VSX2: variants seen among roughly 807,000 people sequenced by gnomAD.
The protein encoded by VSX2 is ceh-10 homeo domain containing homolog.
Under a neutral mutation model 32.1 loss-of-function variants are expected in VSX2, and 28 were observed. That is an observed-to-expected ratio of 0.87 (90% confidence interval 0.65 to 1.20). The LOEUF (loss-of-function observed/expected upper bound fraction) is 1.20, where lower values mean the gene tolerates loss of function less well. Among genes scored for constraint, VSX2 ranks in the 50% most tolerant of loss-of-function variants. VSX2 has a pLI of 0.00. For missense variants in VSX2, 506 were observed against 488.7 expected (o/e 1.04, Z -0.33); for synonymous variants, 243 against 214.1 (o/e 1.14, Z -1.18).
rs189161947 is a variant in VSX2 at position 74,252,823 on chromosome 14, G to A, written c.580-6779G>A. Among the ~76,000 whole-genome samples the A allele has an allele frequency of 1.3e-3, 199 of 151,850 alleles. 4 individuals are homozygous for A. In the East Asian group the frequency reaches 0.035, roughly 27 times the overall value. ...AGCACTTTGGGAGGCCTCGGAGGGC[G>A]GATCACCTTGAGGTCAGGGGTTCGA... On this transcript the variant is annotated intron_variant, in intron 3 of 4. Coordinates refer to ENST00000261980, the MANE Select transcript of VSX2 (RefSeq NM_182894.3).
In VSX2 at chr14:74,246,758, G is replaced by A. The variant is rs141519079; in HGVS notation, c.579+1470G>A. On this transcript the variant is annotated intron_variant, in intron 3 of 4. Coordinates refer to ENST00000261980, the MANE Select transcript of VSX2 (RefSeq NM_182894.3). ...CGCTGTTGGCAGGCCCCACATTTGCGGTATTGACCAGAATGAAGGAATAGC... is the reference window on the plus strand; with the variant it reads ...CGCTGTTGGCAGGCCCCACATTTGCAGTATTGACCAGAATGAAGGAATAGC... Among the ~76,000 whole-genome samples, 559 of 152,240 alleles carry A rather than the reference G, an allele frequency of 3.7e-3. 2 individuals are homozygous for A. Among genetic ancestry groups the A allele is most frequent in the African/African-American group, 0.013 (536 of 41,538 alleles).
intron 3 of VSX2, among the ~76,000 whole-genome samples, chr14:74,250,929 G>A (rs994945414): frequency 1.3e-5 from 2 of 151,816 alleles, no homozygotes; most frequent in African/African-American, 2.4e-5. Context: ...TTACAGGCGT[G>A]AGCCACCGCG....
At chr14:74,241,558 G>C (rs1386947120) in intron 2 of VSX2, among the ~76,000 whole-genome samples, 1 of 152,212 alleles carries the variant, frequency 6.6e-6, no homozygotes, top group African/African-American at 2.4e-5. Context: ...ACAGAGTGGG[G>C]GCGGTCCCCA....
At position 74,259,617 on chromosome 14, in the gene VSX2, C is replaced by T. The variant is rs779674861; in HGVS notation, c.595C>T (p.Arg199Cys). The change falls in exon 4 of 5, where the codon CGT (arginine) becomes TGT (cysteine). Residue 199 changes from arginine to cysteine, a missense_variant. Physicochemically the swap from Arg to Cys is radical, Grantham distance 180. Coordinates refer to ENST00000261980, the MANE Select transcript of VSX2 (RefSeq NM_182894.3). ...EDRIQVWFQN[R>C]RAKWRKREKC... ...GCACCTGCAGGTCTGGTTCCAGAAC[C>T]GTCGAGCCAAGTGGAGGAAGCGGGA... The T allele has an allele frequency of 9.3e-6, 15 of 1,614,006 alleles. No individual in the cohort carries two copies. Among genetic ancestry groups the T allele is most frequent in the Admixed American group, 5.0e-5 (3 of 59,996 alleles).
chr14:74,248,343 A>AAAAC (rs2079206404), intron 3 of VSX2, among the ~76,000 whole-genome samples: 1 of 138,402 alleles, frequency 7.2e-6, no homozygotes, highest in Non-Finnish European at 1.6e-5. Flanking sequence ...CTAAAAAAAA[A>AAAAC]AAAAAAAACA....
intron 3 of VSX2, among the ~76,000 whole-genome samples, chr14:74,247,108 T>C (rs2079197518): frequency 6.6e-6 from 1 of 152,052 alleles, no homozygotes; most frequent in East Asian, 1.9e-4. Context: ...GGAAAGAGTC[T>C]CAGAGCCTTT....
intron 3 of VSX2, 151 bp downstream of exon 3, chr14:74,245,439 C>A: frequency 9.0e-7 from 1 of 1,112,296 alleles, no homozygotes; most frequent in South Asian, 1.4e-5. Flanking sequence ...TTAAGCTGAA[C>A]ACCTGCCACA....
At chr14:74,240,891 G>A (rs1354415497) in intron 1 of VSX2, among the ~76,000 whole-genome samples, 3 of 152,182 alleles carry the variant, frequency 2.0e-5, no homozygotes, top group Non-Finnish European at 4.4e-5. Flanking sequence ...GGGGATCTCT[G>A]CGGCCCCCTA....
Position 74,260,927 on chromosome 14 carries a change from C to A in VSX2, c.*8C>A. 6.4e-7 allele frequency: 1 copy of A among 1,553,276 alleles called. No homozygotes were observed. On this transcript the variant is annotated 3_prime_UTR_variant, in exon 5 of 5. Transcript: ENST00000261980. ...CTGGAGGACATGGCTTAGGTCAAGG[C>A]GCGCTCAGATGCCGGAGCCCCAAGA... is the stretch of plus-strand genomic sequence containing the variant.
At chr14:74,241,089 C>A (rs953439046) in intron 1 of VSX2, 93 bp from the exon 2 acceptor site, 3 of 1,357,576 alleles carry the variant, frequency 2.2e-6, no homozygotes, top group Non-Finnish European at 3.1e-6. Flanking sequence ...CCCCGCCGCT[C>A]GCGGAGGCAG....
intron 3 of VSX2, among the ~76,000 whole-genome samples, chr14:74,257,614 G>T (rs1394573914): frequency 0.017 from 13 of 754 alleles, no homozygotes; most frequent in Admixed American, 0.16. Context: ...CCCTGCCGGG[G>T]ATTGGCCGGC....
At chr14:74,246,176 A>G (rs530087969) in intron 3 of VSX2, among the ~76,000 whole-genome samples, 67 of 152,350 alleles carry the variant, frequency 4.4e-4, no homozygotes, top group East Asian at 1.4e-3. Flanking sequence ...TCAACCTTCA[A>G]TGAAAGCTGC....
chr14:74,252,279 T>C (rs1030672391), intron 3 of VSX2, among the ~76,000 whole-genome samples: 1 of 152,224 alleles, frequency 6.6e-6, no homozygotes, highest in African/African-American at 2.4e-5. Context: ...AGTCCTTCCC[T>C]GGGCCCAGTC....
chr14:74,260,650 GA>G lies in VSX2; in HGVS notation c.819del (p.Glu273AspfsTer29), dbSNP rs1432605603. The G allele has an allele frequency of 3.1e-6, 5 of 1,605,092 alleles. No homozygotes were observed. Among genetic ancestry groups the G allele is most frequent in the Non-Finnish European group, 4.2e-6 (5 of 1,176,524 alleles). On this transcript the variant is annotated frameshift_variant, in exon 5 of 5. Transcript: ENST00000261980. LOFTEE classifies it high-confidence loss of function. ...CGAGTCGGGGAGGAAGCCCGAGGGG[GA>G]ACGCCAGGCCCTGCCCAAGCTCGAC... ...AAESGRKPEG[E>X]RQALPKLDKM...
Position 74,259,768 on chromosome 14 carries a change from C to A in VSX2, c.746C>A (p.Ala249Asp), listed in dbSNP as rs763516064. Residue 249 changes from alanine to aspartate, a missense_variant, in exon 4 of 5, where the codon GCC becomes GAC. Physicochemically the swap from Ala to Asp is moderately radical, Grantham distance 126. Transcript: ENST00000261980. The stretch of plus-strand genomic sequence containing the variant: ...AAGGATGGCATCATGGACTCCTGTG[C>A]CCCGTGGCTACTGGGTAAGAGCCCG... The part of the protein sequence containing the change: ...SAKDGIMDSC[A>D]PWLLGMHKKS... 6.2e-7 allele frequency: 1 copy of A among 1,612,432 alleles called. No homozygotes were observed.
chr14:74,250,254 T>C (rs1594756082), intron 3 of VSX2, among the ~76,000 whole-genome samples: 1 of 152,150 alleles, frequency 6.6e-6, no homozygotes, highest in Admixed American at 6.5e-5. Context: ...AAAAAATTTT[T>C]TTTTTTAAAT....
rs1276633049 is a variant in VSX2, at chr14:74,254,784, A to T, written c.580-4818A>T. On this transcript the variant is annotated intron_variant, in intron 3 of 4. Coordinates refer to ENST00000261980, the MANE Select transcript of VSX2 (RefSeq NM_182894.3). ...ATCCTCCAAAAACCCCGAAAAGTGG[A>T]TTTTTTTTTTTTTGAGACGCAGTCT... 1.3e-3 allele frequency among the ~76,000 whole-genome samples: 150 copies of T among 116,568 alleles called. 1 individual carries two copies. Among genetic ancestry groups the T allele is most frequent in the East Asian group, 4.8e-3 (13 of 2,684 alleles). The allele number at this position is 116,568 out of a possible 152,430, so 76.5% of individuals were successfully genotyped here. A position where few individuals can be genotyped will look rare whatever the true frequency, so the allele number is the denominator to read the frequency against.
At chr14:74,244,827 G>A (rs1464674808) in intron 2 of VSX2, among the ~76,000 whole-genome samples, 3 of 151,060 alleles carry the variant, frequency 2.0e-5, no homozygotes, top group Non-Finnish European at 4.4e-5. Context: ...TGAGCCCTCA[G>A]CCTTGAGGAA....
In VSX2 at chr14:74,239,651, T is replaced by C. The variant is rs558979474; in HGVS notation, c.90T>C (p.Thr30=). 1.9e-6 allele frequency: 3 copies of C among 1,550,342 alleles called. No individual in the cohort carries two copies. Among genetic ancestry groups the C allele is most frequent in the Non-Finnish European group, 2.6e-6 (3 of 1,146,834 alleles). ...CGGGGGGCGCCCCGGCCAGGTGCAC[T>C]GGGTTCGGCATCCAGGAGATCCTGG... ...STSGGAPARC[T]GFGIQEILGL... The change falls in exon 1 of 5, where the codon ACT becomes ACC. Residue 30 remains threonine (T), a synonymous_variant. Coordinates refer to ENST00000261980, the MANE Select transcript of VSX2 (RefSeq NM_182894.3).
Sources: gnomAD v4.1 joint callset for allele counts (sites outside exome capture counted in the v4.1 genomes callset) on GRCh38, gnomAD v4.1.1 for gene constraint, MANE v1.5 for transcripts, NCBI Gene and HGNC (gene_info 2026-07-23, HGNC 2026-07-21) for gene names.